FNDC3B: variants seen among roughly 807,000 people sequenced by gnomAD.
FNDC3B encodes fibronectin type III domain containing 3B.
Under a neutral mutation model 151.5 loss-of-function variants are expected in FNDC3B, and 12 were observed. The observed-to-expected ratio is 0.08, with a 90% CI of 0.05 to 0.13. The LOEUF (loss-of-function observed/expected upper bound fraction) is 0.13, where lower values mean the gene tolerates loss of function less well. Among genes scored for constraint, FNDC3B ranks in the 10% least tolerant of loss-of-function variants. The pLI is 1.00. For missense variants in FNDC3B, 1,214 were observed against 1,505.3 expected (o/e 0.81, Z 3.20); for synonymous variants, 528 against 549.0 (o/e 0.96, Z 0.54).
In FNDC3B at chr3:172,346,390, G is replaced by A. The variant is rs144543240; in HGVS notation, c.2314G>A (p.Ala772Thr). The A allele has an allele frequency of 5.5e-5, 89 of 1,613,634 alleles. No individual in the cohort carries two copies. The African/African-American group carries it at 9.5e-4, about 17-fold the overall frequency. The change falls in exon 20 of 26, where the codon GCA (alanine) becomes ACA (threonine). Residue 772 changes from alanine to threonine, a missense_variant. Physicochemically the swap from Ala to Thr is moderately conservative, Grantham distance 58. This residue lies in a region of FNDC3B where 380 missense variants were observed against 420.9 expected (regional missense o/e 0.90). Coordinates refer to ENST00000415807, the MANE Select transcript of FNDC3B (RefSeq NM_022763.4). ...TGCAGGGCCTCCTGGACAATGCAAA[G>A]CACCTTGTATTTCTTGTACACCTGA... is the stretch of plus-strand genomic sequence containing the variant. ...TAAGPPGQCK[A>T]PCISCTPDGC...
chr3:172,317,026 T>C (rs1468005830), intron 11 of FNDC3B, among the ~76,000 whole-genome samples: 1 of 152,196 alleles, frequency 6.6e-6, no homozygotes, highest in Non-Finnish European at 1.5e-5. Flanking sequence ...CAAACTCGTC[T>C]TTTTATCAGG....
chr3:172,210,208 C>T (rs73025475), intron 3 of FNDC3B, among the ~76,000 whole-genome samples: 19,007 of 152,200 alleles, frequency 0.12, 1,276 homozygotes, highest in South Asian at 0.22. Flanking sequence ...CTCCACGAAG[C>T]CGCCCCCCAC....
At chr3:172,346,546 T>TTTTTC in intron 20 of FNDC3B, 106 bp downstream of exon 20, 3 of 180,876 alleles carry the variant, frequency 1.7e-5, no homozygotes, top group Non-Finnish European at 2.5e-5. Flanking sequence ...ATATAGATGA[T>TTTTTC]TTTTTTTTTT....
intron 1 of FNDC3B, among the ~76,000 whole-genome samples, chr3:172,109,169 T>A (rs1443553143): frequency 6.7e-6 from 1 of 148,332 alleles, no homozygotes; most frequent in Admixed American, 6.7e-5. Context: ...GGATTCTTTT[T>A]TTTTTTTTTT....
At chr3:172,130,564 C>T (rs1345492289) in intron 2 of FNDC3B, among the ~76,000 whole-genome samples, 1 of 152,132 alleles carries the variant, frequency 6.6e-6, no homozygotes, top group East Asian at 1.9e-4. Flanking sequence ...GGCTGGATGC[C>T]TCTGCGTCGT....
chr3:172,303,103 A>C (rs1731015080), intron 9 of FNDC3B: 1 of 152,154 alleles, frequency 6.6e-6, no homozygotes, highest in Admixed American at 6.6e-5. Flanking sequence ...TACATACACA[A>C]ATGTATGCTG....
At chr3:172,210,257 C>T (rs1007586949) in intron 3 of FNDC3B, among the ~76,000 whole-genome samples, 3 of 152,232 alleles carry the variant, frequency 2.0e-5, no homozygotes, top group East Asian at 1.9e-4. Context: ...GGCTGCTCCA[C>T]GTGGGCTACC....
chr3:172,360,116 T>C (rs565551839), intron 22 of FNDC3B, among the ~76,000 whole-genome samples: 4 of 152,336 alleles, frequency 2.6e-5, no homozygotes, highest in Admixed American at 2.6e-4. Context: ...ACTAGTGAAA[T>C]AGGAGAGTTC....
intron 1 of FNDC3B, among the ~76,000 whole-genome samples, chr3:172,070,666 T>G (rs1444434709): frequency 6.6e-6 from 1 of 152,200 alleles, no homozygotes; most frequent in African/African-American, 2.4e-5. Flanking sequence ...TTAGATGAGC[T>G]TTTTAAAAAC....
intron 1 of FNDC3B, among the ~76,000 whole-genome samples, chr3:172,071,622 G>A (rs1717775229): frequency 6.6e-6 from 1 of 152,136 alleles, no homozygotes; most frequent in Admixed American, 6.5e-5. Flanking sequence ...AAGGTGGTCA[G>A]ATTTATAAGT....
At chr3:172,286,210 G>GCATCTAAT (rs1730008612) in intron 7 of FNDC3B, among the ~76,000 whole-genome samples, 3 of 151,782 alleles carry the variant, frequency 2.0e-5, no homozygotes, top group Non-Finnish European at 4.4e-5. Context: ...TCTTTATTTA[G>GCATCTAAT]GTATTCTGAA....
intron 6 of FNDC3B, among the ~76,000 whole-genome samples, chr3:172,282,130 A>G (rs1235552859): frequency 8.5e-5 from 13 of 152,178 alleles, no homozygotes; most frequent in Non-Finnish European, 1.6e-4. Flanking sequence ...ACATTTTCAT[A>G]CTAGACTGTT....
chr3:172,112,487 T>C lies in FNDC3B; in HGVS notation c.8T>C (p.Val3Ala). 1 of 1,613,462 alleles carries C rather than the reference T, an allele frequency of 6.2e-7. No individual in the cohort carries two copies. Among genetic ancestry groups the C allele is most frequent in the Non-Finnish European group, 8.5e-7 (1 of 1,179,382 alleles). Residue 3 changes from valine to alanine, a missense_variant, in exon 2 of 26, where the codon GTC becomes GCC. This residue lies in a region of FNDC3B where 113 missense variants were observed against 177.8 expected (regional missense o/e 0.64). Coordinates refer to ENST00000415807, the MANE Select transcript of FNDC3B (RefSeq NM_022763.4). MY[V>A]TMMMTDQIPL... ...GAGGGAAGTTCTCCATGAATGTACG[T>C]CACAATGATGATGACCGACCAAATC...
chr3:172,108,528 TGA>T (rs1236957245), intron 1 of FNDC3B, among the ~76,000 whole-genome samples: 1 of 152,236 alleles, frequency 6.6e-6, no homozygotes, highest in Non-Finnish European at 1.5e-5. Context: ...GCCACCCTGT[TGA>T]GAGTTAAGTC....
At chr3:172,333,488 A>ATTTTTTTTTTTTTTTT in intron 14 of FNDC3B, among the ~76,000 whole-genome samples, 1 of 102,834 alleles carries the variant, frequency 9.7e-6, no homozygotes, top group Non-Finnish European at 1.9e-5. Flanking sequence ...TGCCCGGCTA[A>ATTTTTTTTTTTTTTTT]TTTTTTTTTT....
chr3:172,331,770 A>G (rs1732687222), intron 13 of FNDC3B, among the ~76,000 whole-genome samples: 1 of 151,476 alleles, frequency 6.6e-6, no homozygotes, highest in Non-Finnish European at 1.5e-5. Flanking sequence ...CCCTTCCCTC[A>G]TTTTCTTCAA....
intron 23 of FNDC3B, among the ~76,000 whole-genome samples, chr3:172,370,644 A>C (rs1266101355): frequency 6.6e-6 from 1 of 152,218 alleles, no homozygotes; most frequent in African/African-American, 2.4e-5. Flanking sequence ...TAATCTCTGC[A>C]TTCTGGCTAA....
chr3:172,377,749 T>G (rs1235353427), intron 23 of FNDC3B, among the ~76,000 whole-genome samples: 3 of 152,142 alleles, frequency 2.0e-5, no homozygotes, highest in African/African-American at 7.2e-5. Context: ...CCTAAATATC[T>G]CCTTAGCAGT....
At chr3:172,181,134 G>T (rs1327411147) in intron 3 of FNDC3B, among the ~76,000 whole-genome samples, 1 of 152,146 alleles carries the variant, frequency 6.6e-6, no homozygotes, top group Non-Finnish European at 1.5e-5. Context: ...GGTGGCTCAT[G>T]CCTGTAATCC....
Sources: allele counts gnomAD v4.1 joint callset (sites outside exome capture counted in the v4.1 genomes callset), GRCh38; gene constraint gnomAD v4.1.1; regional missense constraint gnomAD v4.1.1; transcripts MANE v1.5; gene names NCBI Gene and HGNC (gene_info 2026-07-23, HGNC 2026-07-21).